Variants in BTNL8 observed in about 807,000 individuals in gnomAD.
BTNL8 encodes the protein butyrophilin like 8.
BTNL8 carries 22 observed loss-of-function variants against 36.1 expected under a neutral mutation model. That is an observed-to-expected ratio of 0.61 (90% CI 0.44 to 0.87). The LOEUF (loss-of-function observed/expected upper bound fraction) is 0.87, where lower values mean the gene tolerates loss of function less well. Ranked by LOEUF, BTNL8 falls within the 40% of genes least tolerant of loss-of-function variation. The probability of loss-of-function intolerance (pLI) is 0.00; values close to 1 mark genes in which losing one functional copy is unlikely to be tolerated. For missense variants in BTNL8, 526 were observed against 616.9 expected (o/e 0.85, Z 1.56); for synonymous variants, 203 against 235.6 (o/e 0.86, Z 1.27).
At chr5:180,920,053 C>G (rs181701506) in intron 3 of BTNL8, among the ~76,000 whole-genome samples, 8 of 152,236 alleles carry the variant, frequency 5.3e-5, no homozygotes, top group Admixed American at 1.3e-4. Context: ...ACAAAAGACC[C>G]TGAATAGCCA....
At chr5:180,925,656 A>G (rs568857001) in intron 3 of BTNL8, among the ~76,000 whole-genome samples, 1 of 152,196 alleles carries the variant, frequency 6.6e-6, no homozygotes, top group Non-Finnish European at 1.5e-5. Context: ...TACTAAAGGG[A>G]GCCCTTTAAC....
intron 6 of BTNL8, 132 bp downstream of exon 6, chr5:180,949,078 C>T: frequency 8.6e-7 from 1 of 1,168,240 alleles, no homozygotes; most frequent in Non-Finnish European, 1.2e-6. Context: ...ATTGCAGATT[C>T]TGGGGGAGGT....
At chr5:180,912,726 G>A (rs1757457924) in intron 3 of BTNL8, among the ~76,000 whole-genome samples, 1 of 152,068 alleles carries the variant, frequency 6.6e-6, no homozygotes. Context: ...AGCACTGAAA[G>A]TTCATGTTGT....
chr5:180,901,238 C>T (rs1756812057), intron 1 of BTNL8, among the ~76,000 whole-genome samples: 1 of 152,194 alleles, frequency 6.6e-6, no homozygotes, highest in African/African-American at 2.4e-5. Context: ...GAAAAAGTAT[C>T]CACTGATCTA....
intron 3 of BTNL8, among the ~76,000 whole-genome samples, chr5:180,943,118 AG>A (rs1759062162): frequency 6.8e-6 from 1 of 147,110 alleles, no homozygotes; most frequent in African/African-American, 2.5e-5. Flanking sequence ...CAATCACAAA[AG>A]GGAAGATAGA....
intron 3 of BTNL8, among the ~76,000 whole-genome samples, chr5:180,931,628 T>C (rs1758389575): frequency 1.3e-5 from 2 of 151,540 alleles, no homozygotes; most frequent in African/African-American, 4.9e-5. Context: ...AAACAAACAA[T>C]GCCATCGAAA....
At chr5:180,911,051 T>A (rs1375284729) in intron 2 of BTNL8, among the ~76,000 whole-genome samples, 5 of 152,258 alleles carry the variant, frequency 3.3e-5, no homozygotes, top group Admixed American at 2.6e-4. Flanking sequence ...GCCTGGCGGC[T>A]CAGCACTCTC....
intron 2 of BTNL8, among the ~76,000 whole-genome samples, chr5:180,911,081 T>C (rs561148694): frequency 2.0e-5 from 3 of 152,368 alleles, no homozygotes; most frequent in Non-Finnish European, 4.4e-5. Context: ...GCTGAGCTCC[T>C]GACAAGTTTC....
At chr5:180,905,460 ATCCT>A (rs1757037006) in intron 1 of BTNL8, among the ~76,000 whole-genome samples, 1 of 93,828 alleles carries the variant, frequency 1.1e-5, no homozygotes. Context: ...AATTTTGTTG[ATCCT>A]TTCAAAAAAC....
chr5:180,923,739 A>C (rs994557492), intron 3 of BTNL8, among the ~76,000 whole-genome samples: 8 of 152,190 alleles, frequency 5.3e-5, no homozygotes, highest in Non-Finnish European at 1.2e-4. Context: ...ATATGATAAT[A>C]CACATTGGAA....
chr5:180,944,186 G>A (rs528817860), intron 3 of BTNL8, among the ~76,000 whole-genome samples: 62 of 152,006 alleles, frequency 4.1e-4, no homozygotes, highest in Non-Finnish European at 6.9e-4. Context: ...GGTAGAGGGA[G>A]GAATGGAGAA....
intron 2 of BTNL8, 141 bp downstream of exon 2, chr5:180,909,074 G>A (rs1407470244): frequency 1.2e-6 from 1 of 842,242 alleles, no homozygotes; most frequent in Non-Finnish European, 1.8e-6. Context: ...CTTCTGTCTT[G>A]TGTGTATAGT....
chr5:180,945,654 C>G, intron 3 of BTNL8: 1 of 275,386 alleles, frequency 3.6e-6, no homozygotes, highest in Non-Finnish European at 8.0e-6. Flanking sequence ...GGGGAAAGGA[C>G]CTGAACAAAC....
At chr5:180,931,296 T>C (rs1332878112) in intron 3 of BTNL8, among the ~76,000 whole-genome samples, 6 of 152,138 alleles carry the variant, frequency 3.9e-5, no homozygotes, top group African/African-American at 9.7e-5. Context: ...TTACACCTTA[T>C]ACAAAATTAA....
intron 3 of BTNL8, among the ~76,000 whole-genome samples, chr5:180,943,936 A>G (rs1354507506): frequency 6.6e-6 from 1 of 152,248 alleles, no homozygotes; most frequent in Non-Finnish European, 1.5e-5. Flanking sequence ...ATTTGCAACA[A>G]CATGGATGAA....
chr5:180,944,051 A>C (rs1403227298), intron 3 of BTNL8, among the ~76,000 whole-genome samples: 1 of 152,236 alleles, frequency 6.6e-6, no homozygotes, highest in African/African-American at 2.4e-5. Flanking sequence ...GAAGACATTA[A>C]GTAAATTAAG....
intron 3 of BTNL8, among the ~76,000 whole-genome samples, chr5:180,932,304 A>G (rs1379250154): frequency 6.6e-6 from 1 of 152,192 alleles, no homozygotes; most frequent in Non-Finnish European, 1.5e-5. Context: ...ATGTATACCT[A>G]TGTAACAAAC....
At chr5:180,946,877 T>C (rs1759280488) in intron 3 of BTNL8, among the ~76,000 whole-genome samples, 1 of 152,190 alleles carries the variant, frequency 6.6e-6, no homozygotes, top group Non-Finnish European at 1.5e-5. Flanking sequence ...CATTAATATG[T>C]ATGTGATTTG....
At chr5:180,943,324 G>A (rs947963119) in intron 3 of BTNL8, among the ~76,000 whole-genome samples, 15 of 151,590 alleles carry the variant, frequency 9.9e-5, no homozygotes, top group East Asian at 1.9e-4. Context: ...TAGTAGAGAC[G>A]GGGTTTCACC....
Sources: allele counts gnomAD v4.1 joint callset (sites outside exome capture counted in the v4.1 genomes callset), GRCh38; gene constraint gnomAD v4.1.1; transcripts MANE v1.5; gene names NCBI Gene and HGNC (gene_info 2026-07-23, HGNC 2026-07-21).